Variants in VPS37A observed in about 807,000 individuals in gnomAD.
VPS37A encodes VPS37A subunit of ESCRT-I, also known as vacuolar protein sorting-associated protein 37A.
VPS37A carries 30 observed loss-of-function variants against 49.8 expected under a neutral mutation model. The ratio of observed to expected loss-of-function variants is 0.60; its 90% confidence interval spans 0.45 to 0.82. VPS37A has a LOEUF of 0.82. VPS37A is among the 40% of genes least tolerant of loss of function. The pLI is 0.00. For synonymous variants in VPS37A, 195 were observed against 160.6 expected (o/e 1.21, Z -1.62); for missense variants, 593 against 464.4 (o/e 1.28, Z -2.55).
intron 1 of VPS37A, among the ~76,000 whole-genome samples, chr8:17,250,544 A>G (rs905590536): frequency 6.6e-6 from 1 of 152,184 alleles, no homozygotes; most frequent in Non-Finnish European, 1.5e-5. Context: ...TGTAAGCTCA[A>G]TAGGTGAATA....
chr8:17,264,916 A>C (rs1022867317), intron 1 of VPS37A, among the ~76,000 whole-genome samples: 23 of 152,222 alleles, frequency 1.5e-4, no homozygotes, highest in African/African-American at 5.5e-4. Context: ...TATGCCTGCA[A>C]ATAACAATAA....
intron 11 of VPS37A, among the ~76,000 whole-genome samples, chr8:17,293,656 T>A (rs150633349): frequency 1.3e-5 from 2 of 152,296 alleles, no homozygotes; most frequent in African/African-American, 4.8e-5. Context: ...GGTCGTCATT[T>A]TTGTTGATGT....
intron 5 of VPS37A, among the ~76,000 whole-genome samples, chr8:17,275,856 AC>A (rs1182293944): frequency 6.6e-6 from 1 of 152,146 alleles, no homozygotes; most frequent in African/African-American, 2.4e-5. Flanking sequence ...TTTTTCCAAA[AC>A]CTTTCATTTA....
At chr8:17,320,349 C>G in the VPS37A span, among the ~76,000 whole-genome samples, 2 of 152,098 alleles carry the variant, frequency 1.3e-5, no homozygotes, top group African/African-American at 4.8e-5. Context: ...TACATATTCC[C>G]TCACACACCC....
intron 4 of VPS37A, among the ~76,000 whole-genome samples, chr8:17,270,888 T>C (rs1360102696): frequency 6.6e-6 from 1 of 152,200 alleles, no homozygotes; most frequent in African/African-American, 2.4e-5. Context: ...TTCTCACTTG[T>C]GTTCCTGAAG....
At chr8:17,275,182 C>T (rs1425827443) in intron 5 of VPS37A, among the ~76,000 whole-genome samples, 1 of 152,108 alleles carries the variant, frequency 6.6e-6, no homozygotes, top group Non-Finnish European at 1.5e-5. Flanking sequence ...GGTAGAGACA[C>T]AGTTAGGGGA....
At chr8:17,316,962 C>T in the VPS37A span, among the ~76,000 whole-genome samples, 1 of 152,170 alleles carries the variant, frequency 6.6e-6, no homozygotes, top group East Asian at 1.9e-4. Flanking sequence ...TATGCTCTCA[C>T]CAGTAGGTTG....
the VPS37A span, among the ~76,000 whole-genome samples, chr8:17,318,310 C>T: frequency 6.6e-6 from 1 of 152,088 alleles, no homozygotes; most frequent in Admixed American, 6.5e-5. Flanking sequence ...AGGAGCAGCG[C>T]TTCCACAGTT....
In VPS37A at chr8:17,268,785, AC is replaced by A. The variant is rs1212844947; in HGVS notation, c.316-70del. On this transcript the variant is annotated intron_variant, in intron 3 of 11. Transcript: ENST00000324849. ...CAAAAGTAAGTTAATATTTAGAGTG[AC>A]ATTATCCTAATGAGACTTTATAATC... is the stretch of plus-strand genomic sequence containing the variant. The A allele has an allele frequency of 4.0e-6, 4 of 1,009,996 alleles. No individual in the cohort carries two copies. The African/African-American group carries it at 6.5e-5, about 16-fold the overall frequency. 62.6% of individuals were successfully genotyped at this position (1,009,996 alleles called of 1,614,324 possible). A position where few individuals can be genotyped will look rare whatever the true frequency, so the allele number is the denominator to read the frequency against.
chr8:17,331,022 G>T, the VPS37A span: 1 of 1,138,752 alleles, frequency 8.8e-7, no homozygotes, highest in Non-Finnish European at 1.2e-6. Context: ...AAAAGCCACT[G>T]TAACATGATA....
chr8:17,331,310 C>T, the VPS37A span: 2 of 1,553,874 alleles, frequency 1.3e-6, no homozygotes, highest in South Asian at 1.2e-5. Flanking sequence ...ACAGAACAGT[C>T]ATCAATTACA....
intron 9 of VPS37A, among the ~76,000 whole-genome samples, chr8:17,283,395 A>G (rs1199141439): frequency 3.9e-5 from 6 of 152,192 alleles, no homozygotes; most frequent in South Asian, 2.1e-4. Flanking sequence ...GGCTCAAGCC[A>G]TCTGCTTGCC....
intron 11 of VPS37A, among the ~76,000 whole-genome samples, chr8:17,286,988 T>C (rs1431683360): frequency 5.9e-5 from 9 of 152,334 alleles, no homozygotes; most frequent in African/African-American, 2.2e-4. Flanking sequence ...TTCCTCTGCT[T>C]TTAAGATTTC....
At chr8:17,320,934 T>C in the VPS37A span, among the ~76,000 whole-genome samples, 29 of 152,298 alleles carry the variant, frequency 1.9e-4, no homozygotes, top group East Asian at 4.8e-3. Context: ...CACATTCCAC[T>C]GCGTGAAGTC....
chr8:17,255,068 A>G (rs554761433), intron 1 of VPS37A, among the ~76,000 whole-genome samples: 13 of 152,228 alleles, frequency 8.5e-5, no homozygotes, highest in African/African-American at 2.2e-4. Context: ...AGCACAAAAC[A>G]CCCCATATTC....
rs1816796576 is a variant in VPS37A, at chr8:17,297,706, T to C, written c.*2720T>C. 1 of 152,092 alleles carries C rather than the reference T, an allele frequency of 6.6e-6. No individual in the cohort carries two copies. The highest frequency in any genetic ancestry group is 6.6e-5 in the Admixed American group (1 of 15,264). 9.4% of individuals were successfully genotyped at this position (152,092 alleles called of 1,614,324 possible). On this transcript the variant is annotated 3_prime_UTR_variant, in exon 12 of 12. Transcript: ENST00000324849. Reference sequence around the variant, plus strand: ...AATAAAACACTTCCTGATTAATGTTTGATTATTAGATATTTTAGTCTTGTT... The same window carrying C: ...AATAAAACACTTCCTGATTAATGTTCGATTATTAGATATTTTAGTCTTGTT...
intron 1 of VPS37A, chr8:17,248,377 C>G (rs1350598997): frequency 2.2e-6 from 1 of 455,444 alleles, no homozygotes; most frequent in Non-Finnish European, 4.4e-6. Context: ...CAATCATCCT[C>G]CCTCAGCTCC....
At chr8:17,300,288 A>ATGTCT, downstream of VPS37A, 2 of 1,490,464 alleles carry the variant, frequency 1.3e-6, no homozygotes, top group Non-Finnish European at 1.8e-6. Flanking sequence ...CTATATATGC[A>ATGTCT]TGTCTTTAGC....
Position 17,250,916 on chromosome 8 carries a change from A to T in VPS37A, c.125+3547A>T, listed in dbSNP as rs187827261. Among the ~76,000 whole-genome samples the T allele has an allele frequency of 2.6e-5, 4 of 152,344 alleles. No homozygotes were observed. In the East Asian group the frequency reaches 7.7e-4, roughly 29 times the overall value. On this transcript the variant is annotated intron_variant, in intron 1 of 11. Transcript: ENST00000324849. ...GCTGTGAAAATGGAAACTAGAAATT[A>T]TGCCTCCTGGGCTCAAGTAATATGT...
Sources: allele counts gnomAD v4.1 joint callset (sites outside exome capture counted in the v4.1 genomes callset), GRCh38; gene constraint gnomAD v4.1.1; transcripts MANE v1.5; gene names NCBI Gene and HGNC (gene_info 2026-07-23, HGNC 2026-07-21).